SNAP91: variants seen among roughly 807,000 people sequenced by gnomAD.
SNAP91 encodes synaptosome associated protein 91.
In SNAP91, 27 loss-of-function variants were observed where a neutral mutation model predicts 100.3. The observed-to-expected ratio is 0.27, with a 90% confidence interval of 0.20 to 0.37. The LOEUF is 0.37. SNAP91 is among the 10% of genes least tolerant of loss of function. SNAP91 has a pLI of 1.00. For synonymous variants in SNAP91, 404 were observed against 398.6 expected (o/e 1.01, Z -0.16); for missense variants, 986 against 1,123.7 (o/e 0.88, Z 1.75).
chr6:83,579,368 G>C (rs1434772214), intron 24 of SNAP91, among the ~76,000 whole-genome samples: 1 of 152,110 alleles, frequency 6.6e-6, no homozygotes, highest in Admixed American at 6.5e-5. Flanking sequence ...TTTGTGAGAT[G>C]AAATTTTAGT....
intron 26 of SNAP91, among the ~76,000 whole-genome samples, chr6:83,561,558 T>C (rs1358335396): frequency 1.3e-5 from 2 of 152,190 alleles, no homozygotes; most frequent in Non-Finnish European, 2.9e-5. Context: ...GCTCATAACA[T>C]TGGGCTTCCT....
chr6:83,700,689 T>C (rs2099282247), intron 2 of SNAP91, among the ~76,000 whole-genome samples: 1 of 152,066 alleles, frequency 6.6e-6, no homozygotes, highest in Non-Finnish European at 1.5e-5. Flanking sequence ...GGCATGATCA[T>C]GGCTCATTGC....
chr6:83,646,866 A>G (rs1423248599), intron 7 of SNAP91, among the ~76,000 whole-genome samples: 1 of 152,134 alleles, frequency 6.6e-6, no homozygotes, highest in Non-Finnish European at 1.5e-5. Context: ...TTCTTTCATA[A>G]GAGTTTTATA....
At chr6:83,624,805 T>C (rs1241835714) in intron 8 of SNAP91, among the ~76,000 whole-genome samples, 1 of 152,122 alleles carries the variant, frequency 6.6e-6, no homozygotes, top group Non-Finnish European at 1.5e-5. Flanking sequence ...CTTGCCTTAA[T>C]CTCTCTGGAT....
At chr6:83,566,570 G>A (rs1796923709) in intron 26 of SNAP91, among the ~76,000 whole-genome samples, 1 of 152,026 alleles carries the variant, frequency 6.6e-6, no homozygotes, top group East Asian at 1.9e-4. Context: ...TCAAATAAAT[G>A]GTCAAATAGT....
intron 2 of SNAP91, among the ~76,000 whole-genome samples, chr6:83,703,591 C>T (rs1353486617): frequency 7.2e-5 from 11 of 152,098 alleles, no homozygotes; most frequent in Admixed American, 7.2e-4. Flanking sequence ...TGTCTTGAAT[C>T]AAAACTCAGT....
chr6:83,661,503 C>A lies in SNAP91; in HGVS notation c.451G>T (p.Gly151Trp), dbSNP rs772896769. The A allele has an allele frequency of 5.7e-6, 9 of 1,588,232 alleles. No individual in the cohort carries two copies. Among genetic ancestry groups the A allele is most frequent in the Non-Finnish European group, 7.7e-6 (9 of 1,163,126 alleles). ...AATATAAGAAAGACAAAAACATACC[C>A]TTTCTTCACCCTGGCAAAATCAAAG... ...MAFDFARVKK[G>W]ADGVMRTMAP... The change falls in exon 5 of 30, where the codon GGG (glycine) becomes TGG (tryptophan). Residue 151 changes from glycine to tryptophan, a missense_variant and splice_region_variant. Around this residue, in one of 4 missense-constraint regions of SNAP91, gnomAD observed 330 missense variants for 447.5 expected, o/e 0.74. Coordinates refer to ENST00000369694, the MANE Select transcript of SNAP91 (RefSeq NM_001242792.2).
chr6:83,601,271 C>G lies in SNAP91; in HGVS notation c.1324G>C (p.Asp442His). The G allele has an allele frequency of 6.2e-7, 1 of 1,613,236 alleles. No individual in the cohort carries two copies. Among genetic ancestry groups the G allele is most frequent in the Non-Finnish European group, 8.5e-7 (1 of 1,179,536 alleles). The change falls in exon 16 of 30, where the codon GAT becomes CAT. Residue 442 changes from aspartate (D) to histidine (H), a missense_variant and splice_region_variant. Asp to His is a moderately conservative substitution (Grantham distance 81, BLOSUM62 -1). Coordinates refer to ENST00000369694, the MANE Select transcript of SNAP91 (RefSeq NM_001242792.2). ...GAAAGTAGCAGCGAGACTAACTAAC[C>G]TCCAAAGAGATCCACTTCAGCAGTG... ...AVTAEVDLFG[D>H]AFAASPGEAP...
At chr6:83,658,023 T>C (rs2098449811) in intron 6 of SNAP91, among the ~76,000 whole-genome samples, 1 of 151,374 alleles carries the variant, frequency 6.6e-6, no homozygotes, top group Non-Finnish European at 1.5e-5. Context: ...TGTCAAGTGA[T>C]CTGCCTGCTT....
chr6:83,613,568 T>C (rs773909300), intron 11 of SNAP91, among the ~76,000 whole-genome samples: 1 of 152,148 alleles, frequency 6.6e-6, no homozygotes, highest in Non-Finnish European at 1.5e-5. Flanking sequence ...ACTCTGAAGG[T>C]TCCCAGGCTC....
intron 25 of SNAP91, 82 bp downstream of exon 25, chr6:83,575,941 T>TCC: frequency 1.4e-6 from 1 of 717,548 alleles, no homozygotes; most frequent in Admixed American, 3.5e-5. Context: ...GAATAATTAC[T>TCC]CCAATGAGTA....
rs368383165 is a variant in SNAP91 at position 83,598,615 on chromosome 6, A to C, written c.1324+2656T>G. 9.9e-5 allele frequency among the ~76,000 whole-genome samples: 15 copies of C among 152,174 alleles called. No individual in the cohort carries two copies. The East Asian group carries it at 2.5e-3, about 25-fold the overall frequency. The stretch of plus-strand genomic sequence containing the variant: ...ATAGGACCTCAAAAAGGCATGTTTT[A>C]AAGTTGTAAAGTTATGCTGTGTTAA... On this transcript the variant is annotated intron_variant, in intron 16 of 29. Coordinates refer to ENST00000369694, the MANE Select transcript of SNAP91 (RefSeq NM_001242792.2).
In SNAP91 at chr6:83,560,566, T is replaced by A. The variant is rs192300607; in HGVS notation, c.2526+298A>T. On this transcript the variant is annotated intron_variant, in intron 27 of 29. Coordinates refer to ENST00000369694, the MANE Select transcript of SNAP91 (RefSeq NM_001242792.2). ...AATTGGTGAGTAAAAAGTCCTAGTA[T>A]AATAATGAAGGGTTGATTTTGATGA... Among the ~76,000 whole-genome samples the A allele has an allele frequency of 5.3e-5, 8 of 152,328 alleles. No individual in the cohort carries two copies. The East Asian group carries it at 1.5e-3, about 29-fold the overall frequency.
At position 83,707,923 on chromosome 6, in the gene SNAP91, G is replaced by A; in HGVS notation, c.5C>T (p.Ser2Leu). 1 of 1,581,978 alleles carries A rather than the reference G, an allele frequency of 6.3e-7. No homozygotes were observed. The highest frequency in any genetic ancestry group is 8.6e-7 in the Non-Finnish European group (1 of 1,169,332). The change falls in exon 2 of 30, where the codon TCG becomes TTG. Residue 2 changes from serine (S) to leucine (L), a missense_variant. Transcript: ENST00000369694. Reference sequence around the variant, plus strand: ...GATCCGATCCGTGAGCGTTTGGCCCGACATCTTCTGTGGTCGCGTCTACCG... The same window carrying A: ...GATCCGATCCGTGAGCGTTTGGCCCAACATCTTCTGTGGTCGCGTCTACCG... M[S>L]GQTLTDRIAA...
At chr6:83,598,379 G>A (rs1562277940) in intron 16 of SNAP91, among the ~76,000 whole-genome samples, 1 of 151,968 alleles carries the variant, frequency 6.6e-6, no homozygotes. Context: ...ACATTGAAAG[G>A]ACTAAAACAT....
At chr6:83,700,500 T>C (rs1401076530) in intron 2 of SNAP91, among the ~76,000 whole-genome samples, 2 of 151,986 alleles carry the variant, frequency 1.3e-5, no homozygotes, top group African/African-American at 4.8e-5. Context: ...CATTATCTTA[T>C]GCATTACTCA....
intron 28 of SNAP91, among the ~76,000 whole-genome samples, chr6:83,559,547 A>T (rs1480426928): frequency 2.6e-5 from 4 of 152,204 alleles, no homozygotes; most frequent in Non-Finnish European, 4.4e-5. Flanking sequence ...TCATTCTAGG[A>T]AACTATCTAA....
chr6:83,673,584 G>A (rs150901015), intron 2 of SNAP91, among the ~76,000 whole-genome samples: 53 of 152,024 alleles, frequency 3.5e-4, no homozygotes, highest in South Asian at 8.3e-4. Context: ...CAATCAAAGA[G>A]TTCAAACTTG....
rs575541408 is a variant in SNAP91, at chr6:83,553,356, A to G, written c.*940T>C. On this transcript the variant is annotated 3_prime_UTR_variant, in exon 30 of 30. Coordinates refer to ENST00000369694, the MANE Select transcript of SNAP91 (RefSeq NM_001242792.2). ...AAGAACACTAGTCTACAAAACACAC[A>G]AAGAAACACTAAATTAACAGATGTA... 4 of 152,408 alleles carry G rather than the reference A, an allele frequency of 2.6e-5. No individual in the cohort carries two copies. The East Asian group carries it at 7.7e-4, about 29-fold the overall frequency. 9.4% of individuals were successfully genotyped at this position (152,408 alleles called of 1,614,324 possible).
Sources: allele counts gnomAD v4.1 joint callset (sites outside exome capture counted in the v4.1 genomes callset), GRCh38; gene constraint gnomAD v4.1.1; regional missense constraint gnomAD v4.1.1; transcripts MANE v1.5; gene names NCBI Gene and HGNC (gene_info 2026-07-23, HGNC 2026-07-21).